The following MID2 variants were observed in gnomAD, a reference collection of about 807,000 sequenced individuals.
The protein encoded by MID2 is probable E3 ubiquitin-protein ligase MID2.
A neutral mutation model predicts 46.1 loss-of-function variants in MID2; 13 were observed. The ratio of observed to expected loss-of-function variants is 0.28; its 90% CI spans 0.18 to 0.45. The LOEUF (loss-of-function observed/expected upper bound fraction) is 0.45. MID2 is among the 20% of genes least tolerant of loss of function. The pLI is 1.00. For synonymous variants in MID2, 199 were observed against 212.3 expected (o/e 0.94, Z 0.55); for missense variants, 431 against 575.4 (o/e 0.75, Z 2.57).
intron 1 of MID2, among the ~76,000 whole-genome samples, chrX:107,836,926 T>C (rs1931219324): frequency 8.9e-6 from 1 of 112,311 alleles, no homozygotes; most frequent in Non-Finnish European, 1.9e-5. Context: ...TAAGGTAGGT[T>C]ATTTTAGAGT....
rs781447910 is a variant in MID2 at position 107,856,977 on chromosome X, G to T, written c.816+2273G>T. Among the ~76,000 whole-genome samples the T allele has an allele frequency of 5.3e-5, 6 of 112,271 alleles. No homozygotes were observed. In the South Asian group the frequency reaches 2.2e-3, roughly 42 times the overall value. On this transcript the variant is annotated intron_variant, in intron 3 of 9. Coordinates refer to ENST00000262843, the MANE Select transcript of MID2 (RefSeq NM_012216.4). ...TGCCTGGCATTGTACCAGGTATAAA[G>T]AAAACAGCATAGGCACAGTATCTAC...
chrX:107,873,232 G>T (rs1419348292), intron 3 of MID2, among the ~76,000 whole-genome samples: 1 of 111,939 alleles, frequency 8.9e-6, no homozygotes, highest in Non-Finnish European at 1.9e-5. Context: ...GTTAGTGAAG[G>T]TATCTATCCA....
At chrX:107,861,987 A>G (rs73527061) in intron 3 of MID2, among the ~76,000 whole-genome samples, 2,093 of 112,134 alleles carry the variant, frequency 0.019, 52 homozygotes, top group African/African-American at 0.064. Flanking sequence ...TAGCTGTGCA[A>G]CCTTGAACAC....
rs770397138 is a variant in MID2, at chrX:107,903,006, T to C, written c.817-952T>C. On this transcript the variant is annotated intron_variant, in intron 3 of 9. Coordinates refer to ENST00000262843, the MANE Select transcript of MID2 (RefSeq NM_012216.4). ...GAATTCTGGTTTTACCACTTACTAG[T>C]TGTGTGATTTTTGAGCAAGTCACTA... 3.6e-5 allele frequency among the ~76,000 whole-genome samples: 4 copies of C among 111,833 alleles called. No homozygotes were observed. In the South Asian group the frequency reaches 1.5e-3, roughly 42 times the overall value.
At position 107,916,938 on chromosome X, in the gene MID2, C is replaced by T. The variant is rs111341791; in HGVS notation, c.1202-568C>T. Among the ~76,000 whole-genome samples the T allele has an allele frequency of 7.1e-4, 80 of 112,039 alleles. 1 individual carries two copies. The highest frequency in any genetic ancestry group is 2.4e-3 in the African/African-American group (75 of 30,843). On this transcript the variant is annotated intron_variant, in intron 6 of 9. Coordinates refer to ENST00000262843, the MANE Select transcript of MID2 (RefSeq NM_012216.4). Reference sequence around the variant, plus strand: ...GGTGGATCACCTGAAGTCAGGAGTTCGAGACCAGCCTGGCCAACATGGCGA... The same window carrying T: ...GGTGGATCACCTGAAGTCAGGAGTTTGAGACCAGCCTGGCCAACATGGCGA...
chrX:107,889,282 T>C (rs899062424), intron 3 of MID2, among the ~76,000 whole-genome samples: 3 of 111,955 alleles, frequency 2.7e-5, no homozygotes, highest in Non-Finnish European at 3.8e-5. Flanking sequence ...CCATGTTTAG[T>C]GCTTCCTTCA....
chrX:107,838,936 G>C (rs759548430), intron 1 of MID2, among the ~76,000 whole-genome samples: 4 of 111,118 alleles, frequency 3.6e-5, no homozygotes, highest in Non-Finnish European at 7.6e-5. Context: ...GCAAAACCAC[G>C]TCTCTACAAA....
At chrX:107,852,726 C>T (rs1425293339) in intron 2 of MID2, among the ~76,000 whole-genome samples, 1 of 111,845 alleles carries the variant, frequency 8.9e-6, no homozygotes, top group Non-Finnish European at 1.9e-5. Flanking sequence ...ATATATCCAT[C>T]TATTCATGGG....
intron 3 of MID2, among the ~76,000 whole-genome samples, chrX:107,882,002 G>A (rs1056188357): frequency 8.9e-6 from 1 of 111,937 alleles, no homozygotes; most frequent in East Asian, 2.8e-4. Flanking sequence ...TGGTACCAAA[G>A]CAGATATACA....
intron 7 of MID2, among the ~76,000 whole-genome samples, chrX:107,920,852 C>A (rs1217439600): frequency 8.9e-6 from 1 of 112,203 alleles, no homozygotes; most frequent in Non-Finnish European, 1.9e-5. Flanking sequence ...CTAACATTCC[C>A]TGTTCTTTTG....
At chrX:107,827,366 C>T (rs1206387770) in intron 1 of MID2, among the ~76,000 whole-genome samples, 2 of 111,093 alleles carry the variant, frequency 1.8e-5, no homozygotes, top group East Asian at 2.8e-4. Context: ...TGGACCCCAG[C>T]CTTTCCCCAT....
intron 3 of MID2, among the ~76,000 whole-genome samples, chrX:107,857,755 T>C (rs1931773260): frequency 8.9e-6 from 1 of 112,084 alleles, no homozygotes; most frequent in African/African-American, 3.2e-5. Flanking sequence ...AAATGTATAG[T>C]AGAATACTGT....
intron 1 of MID2, among the ~76,000 whole-genome samples, chrX:107,838,774 A>T (rs1931262874): frequency 8.9e-6 from 1 of 111,801 alleles, no homozygotes; most frequent in African/African-American, 3.3e-5. Context: ...GTCTCCAATG[A>T]TGACAAGATA....
chrX:107,877,018 G>A (rs1379147827), intron 3 of MID2, among the ~76,000 whole-genome samples: 1 of 111,438 alleles, frequency 9.0e-6, no homozygotes, highest in Non-Finnish European at 1.9e-5. Context: ...GAGCAGCGCT[G>A]GAGGGAGCTG....
At chrX:107,891,429 C>T (rs113004465) in intron 3 of MID2, among the ~76,000 whole-genome samples, 2,047 of 109,651 alleles carry the variant, frequency 0.019, 52 homozygotes, top group African/African-American at 0.063. Flanking sequence ...TACAGGCATG[C>T]GCCACCATGC....
At chrX:107,877,914 T>C (rs1311887355) in intron 3 of MID2, among the ~76,000 whole-genome samples, 2 of 110,137 alleles carry the variant, frequency 1.8e-5, no homozygotes, top group Non-Finnish European at 3.8e-5. Context: ...CCTGTCAAAC[T>C]TGCAGTTATC....
intron 3 of MID2, among the ~76,000 whole-genome samples, chrX:107,897,872 G>A (rs1932758992): frequency 8.9e-6 from 1 of 112,482 alleles, no homozygotes; most frequent in Non-Finnish European, 1.9e-5. Flanking sequence ...TTGCAGCTCA[G>A]TAAGGTGACA....
chrX:107,888,317 A>G (rs1932512612), intron 3 of MID2, among the ~76,000 whole-genome samples: 1 of 111,791 alleles, frequency 8.9e-6, no homozygotes, highest in Non-Finnish European at 1.9e-5. Context: ...AGGTTCTGGT[A>G]TGTTGTGTCT....
chrX:107,841,655 C>T (rs1437113432), intron 2 of MID2, among the ~76,000 whole-genome samples: 1 of 112,621 alleles, frequency 8.9e-6, no homozygotes, highest in Non-Finnish European at 1.9e-5. Context: ...AACACACCCT[C>T]TATCTTCTGT....
Sources: gnomAD v4.1 joint callset for allele counts (sites outside exome capture counted in the v4.1 genomes callset) on GRCh38, gnomAD v4.1.1 for gene constraint, MANE v1.5 for transcripts, NCBI Gene and HGNC (gene_info 2026-07-23, HGNC 2026-07-21) for gene names.